Variants in GRM8 observed in about 807,000 individuals in gnomAD.
GRM8 encodes metabotropic glutamate receptor 8.
GRM8 carries 47 observed loss-of-function variants against 87.2 expected under a neutral mutation model. The observed-to-expected ratio is 0.54, with a 90% CI of 0.43 to 0.69. The LOEUF is 0.69. Ranked by LOEUF, GRM8 falls within the 30% of genes least tolerant of loss-of-function variation. The pLI, the probability that GRM8 is intolerant of heterozygous loss-of-function variation, is 0.00. For synonymous variants in GRM8, 396 were observed against 404.5 expected, an observed-to-expected ratio of 0.98 and a Z score of 0.25; for missense variants, 1,019 against 1,139.2, an observed-to-expected ratio of 0.89 and a Z score of 1.52.
chr7:126,717,895 C>G (rs144395806), intron 7 of GRM8, among the ~76,000 whole-genome samples: 2 of 152,184 alleles, frequency 1.3e-5, no homozygotes, highest in African/African-American at 2.4e-5. Context: ...TTCATAAGTA[C>G]ATAGTTAGAT....
chr7:127,066,086 T>C (rs929596140), intron 3 of GRM8, among the ~76,000 whole-genome samples: 1 of 152,216 alleles, frequency 6.6e-6, no homozygotes, highest in African/African-American at 2.4e-5. Flanking sequence ...ATTCAATTAA[T>C]TGGTTTTTCT....
At chr7:126,474,451 T>C (rs1805662238) in intron 9 of GRM8, among the ~76,000 whole-genome samples, 1 of 152,106 alleles carries the variant, frequency 6.6e-6, no homozygotes, top group Non-Finnish European at 1.5e-5. Context: ...TAATTTTTTG[T>C]AGAGATGAGG....
At chr7:126,863,469 G>A (rs994163388) in intron 6 of GRM8, among the ~76,000 whole-genome samples, 4 of 152,042 alleles carry the variant, frequency 2.6e-5, no homozygotes, top group African/African-American at 7.2e-5. Flanking sequence ...AGTAATTTAC[G>A]AATGAAGCAT....
intron 3 of GRM8, among the ~76,000 whole-genome samples, chr7:126,930,573 G>T (rs1805659890): frequency 6.6e-6 from 1 of 152,134 alleles, no homozygotes; most frequent in Non-Finnish European, 1.5e-5. Flanking sequence ...ATAATGATGG[G>T]TCTTCAACCA....
intron 7 of GRM8, among the ~76,000 whole-genome samples, chr7:126,652,746 C>T (rs185856639): frequency 1.3e-5 from 2 of 152,244 alleles, no homozygotes; most frequent in Non-Finnish European, 2.9e-5. Context: ...ATTGTGGGAC[C>T]TTTGATTGTG....
At position 126,643,477 on chromosome 7, in the gene GRM8, T is replaced by C. The variant is rs1180756262; in HGVS notation, c.1358-33979A>G. 4.0e-5 allele frequency among the ~76,000 whole-genome samples: 6 copies of C among 150,846 alleles called. No individual in the cohort carries two copies. The East Asian group carries it at 1.2e-3, about 29-fold the overall frequency. ...ATATACACATATAATTAAAACCTTG[T>C]GTATATTTATATGTGTGTATATGTC... On this transcript the variant is annotated intron_variant, in intron 7 of 10. Transcript: ENST00000339582.
Position 126,446,377 on chromosome 7 carries a change from G to A in GRM8, c.2431-5C>T, listed in dbSNP as rs1169328109. ...TGTTGTTGTCTGGATGTACATCTGA[G>A]GGAAGAAAAAAAAAAGAATCACTGT... On this transcript the variant is annotated splice_polypyrimidine_tract_variant and splice_region_variant and intron_variant, in intron 9 of 10. Transcript: ENST00000339582. The A allele has an allele frequency of 1.9e-5, 29 of 1,567,504 alleles. No individual in the cohort carries two copies. In the Admixed American group the frequency reaches 3.0e-4, roughly 16 times the overall value.
At chr7:127,144,346 G>T (rs187374229) in intron 2 of GRM8, among the ~76,000 whole-genome samples, 1 of 152,026 alleles carries the variant, frequency 6.6e-6, no homozygotes, top group African/African-American at 2.4e-5. Context: ...AATCCCCCAC[G>T]ACTTGTGTTG....
chr7:126,957,542 T>A (rs1808846445), intron 3 of GRM8, among the ~76,000 whole-genome samples: 1 of 152,190 alleles, frequency 6.6e-6, no homozygotes, highest in Non-Finnish European at 1.5e-5. Context: ...CCCTGGCCTC[T>A]CTCTGCTCCC....
intron 6 of GRM8, among the ~76,000 whole-genome samples, chr7:126,874,074 T>C (rs1242949682): frequency 6.6e-6 from 1 of 152,074 alleles, no homozygotes; most frequent in Non-Finnish European, 1.5e-5. Context: ...TTAAATATCA[T>C]TTGTGTTGTC....
intron 9 of GRM8, among the ~76,000 whole-genome samples, chr7:126,523,072 C>G (rs1159132114): frequency 6.6e-6 from 1 of 152,084 alleles, no homozygotes; most frequent in Non-Finnish European, 1.5e-5. Flanking sequence ...TGTATTAAAC[C>G]TAAAGAAGAG....
intron 6 of GRM8, among the ~76,000 whole-genome samples, chr7:126,815,516 A>G (rs934462825): frequency 5.9e-5 from 9 of 152,148 alleles, no homozygotes; most frequent in Non-Finnish European, 1.3e-4. Flanking sequence ...AATGCATAAT[A>G]TCATTGCTCT....
intron 3 of GRM8, among the ~76,000 whole-genome samples, chr7:126,943,311 C>T (rs1238166317): frequency 1.3e-5 from 2 of 151,998 alleles, no homozygotes; most frequent in Non-Finnish European, 2.9e-5. Flanking sequence ...TCCCTTTTTT[C>T]TCTCTCCACT....
At chr7:127,157,241 T>C (rs1792788785) in intron 2 of GRM8, among the ~76,000 whole-genome samples, 1 of 134,684 alleles carries the variant, frequency 7.4e-6, no homozygotes, top group South Asian at 2.4e-4. Context: ...GAAAAGAGGA[T>C]GGGGAGAAGA....
intron 8 of GRM8, among the ~76,000 whole-genome samples, chr7:126,586,541 T>A (rs1312436819): frequency 6.6e-6 from 1 of 152,126 alleles, no homozygotes; most frequent in African/African-American, 2.4e-5. Flanking sequence ...TCTACAACCA[T>A]CTGATCTTTG....
chr7:127,242,567 G>GAACC (rs1798369764), intron 2 of GRM8, 128 bp downstream of exon 2: 1 of 798,112 alleles, frequency 1.3e-6, no homozygotes, highest in Non-Finnish European at 2.0e-6. Flanking sequence ...CCCATTTGAG[G>GAACC]AACCTGGTAA....
chr7:127,191,600 G>C (rs1190426201), intron 2 of GRM8, among the ~76,000 whole-genome samples: 1 of 152,092 alleles, frequency 6.6e-6, no homozygotes. Flanking sequence ...TAACCTGAAA[G>C]GTAATGTAGT....
intron 9 of GRM8, among the ~76,000 whole-genome samples, chr7:126,461,150 C>A (rs1803853434): frequency 6.6e-6 from 1 of 151,488 alleles, no homozygotes. Flanking sequence ...AGCAGTCTGA[C>A]TGAGTCTTCT....
intron 3 of GRM8, among the ~76,000 whole-genome samples, chr7:126,907,507 G>C (rs1278909212): frequency 6.6e-6 from 1 of 152,130 alleles, no homozygotes; most frequent in African/African-American, 2.4e-5. Context: ...AAAAGGATGA[G>C]AGCATGGGAA....
Sources: allele counts gnomAD v4.1 joint callset (sites outside exome capture counted in the v4.1 genomes callset), GRCh38; gene constraint gnomAD v4.1.1; transcripts MANE v1.5; gene names NCBI Gene and HGNC (gene_info 2026-07-23, HGNC 2026-07-21).